Variants in DENND1B observed in about 807,000 individuals in gnomAD.
The protein encoded by DENND1B is DENN domain containing 1B, also known as DENN domain-containing protein 1B.
DENND1B carries 59 observed loss-of-function variants against 90.1 expected under a neutral mutation model. The ratio of observed to expected loss-of-function variants is 0.65; its 90% CI spans 0.53 to 0.81. The LOEUF (loss-of-function observed/expected upper bound fraction) is 0.81. Among genes scored for constraint, DENND1B ranks in the 40% least tolerant of loss-of-function variants. The probability of loss-of-function intolerance (pLI) is 0.00; values close to 1 mark genes in which losing one functional copy is unlikely to be tolerated. For missense variants in DENND1B, 862 were observed against 912.6 expected, an observed-to-expected ratio of 0.94 and a Z score of 0.71; for synonymous variants, 337 against 324.6, an observed-to-expected ratio of 1.04 and a Z score of -0.41.
At chr1:197,551,532 A>T (rs1446184134) in intron 16 of DENND1B, among the ~76,000 whole-genome samples, 2 of 152,078 alleles carry the variant, frequency 1.3e-5, no homozygotes, top group Non-Finnish European at 2.9e-5. Flanking sequence ...TTTCGTGAAA[A>T]ATTTTAGTGG....
chr1:197,590,332 G>T (rs1330226602), intron 14 of DENND1B, among the ~76,000 whole-genome samples: 2 of 152,110 alleles, frequency 1.3e-5, no homozygotes, highest in African/African-American at 4.8e-5. Flanking sequence ...GATGAATCCA[G>T]GCAGTATGGT....
intron 3 of DENND1B, among the ~76,000 whole-genome samples, chr1:197,681,695 T>C (rs1192827097): frequency 1.3e-5 from 2 of 152,174 alleles, no homozygotes; most frequent in South Asian, 2.1e-4. Context: ...GTTTCTATTT[T>C]ACTTTTGAAG....
intron 15 of DENND1B, among the ~76,000 whole-genome samples, chr1:197,566,034 G>T (rs561898221): frequency 2.0e-3 from 305 of 151,892 alleles, no homozygotes; most frequent in East Asian, 8.8e-3. Context: ...CAAATGGTAT[G>T]TCTAGTTCTA....
intron 15 of DENND1B, among the ~76,000 whole-genome samples, chr1:197,571,617 T>C (rs1236847533): frequency 6.6e-6 from 1 of 152,248 alleles, no homozygotes; most frequent in African/African-American, 2.4e-5. Flanking sequence ...CTGATATTTT[T>C]CTTATTTGCT....
chr1:197,577,282 C>T (rs963524429), intron 15 of DENND1B, among the ~76,000 whole-genome samples: 2 of 152,046 alleles, frequency 1.3e-5, no homozygotes. Context: ...TAGCCACTTG[C>T]CATAGCTACA....
intron 2 of DENND1B, chr1:197,735,174 A>T (rs765791176): frequency 1.4e-5 from 14 of 995,614 alleles, no homozygotes; most frequent in Non-Finnish European, 1.6e-5. Flanking sequence ...TACAAAAAAC[A>T]ATATTGAATG....
At chr1:197,542,574 GT>G (rs1405206139) in intron 18 of DENND1B, among the ~76,000 whole-genome samples, 1 of 152,072 alleles carries the variant, frequency 6.6e-6, no homozygotes, top group Non-Finnish European at 1.5e-5. Flanking sequence ...TGAGATAGAG[GT>G]AAAAACATGA....
chr1:197,779,287 G>T (rs530750381), upstream of DENND1B, among the ~76,000 whole-genome samples: 8 of 152,280 alleles, frequency 5.3e-5, no homozygotes, highest in Admixed American at 1.3e-4. Context: ...TTGGAACTTT[G>T]AAAGTAATCT....
chr1:197,611,506 T>C (rs1379396963), intron 12 of DENND1B, among the ~76,000 whole-genome samples: 1 of 150,822 alleles, frequency 6.6e-6, no homozygotes, highest in Non-Finnish European at 1.5e-5. Context: ...ATTTAAAATG[T>C]ACACACTGAT....
At position 197,633,475 on chromosome 1, in the gene DENND1B, G is replaced by C. The variant is rs916401633; in HGVS notation, c.672+9236C>G. 5.3e-5 allele frequency among the ~76,000 whole-genome samples: 8 copies of C among 152,178 alleles called. 1 individual carries two copies. The highest frequency in any genetic ancestry group is 1.9e-4 in the African/African-American group (8 of 41,446). The stretch of plus-strand genomic sequence containing the variant: ...GTACTAAAGGGACAATGCAAAAAGA[G>C]AGAACTTGCTCCTGGTTCCAGTGAG... On this transcript the variant is annotated intron_variant, in intron 10 of 22. Transcript: ENST00000620048.
intron 2 of DENND1B, 125 bp downstream of exon 2, chr1:197,772,743 T>C (rs938372455): frequency 1.3e-6 from 1 of 763,088 alleles, no homozygotes; most frequent in Non-Finnish European, 2.1e-6. Context: ...GAGGATCACC[T>C]GAACCCGGGA....
At chr1:197,548,644 C>T (rs1670991175) in intron 16 of DENND1B, among the ~76,000 whole-genome samples, 1 of 152,040 alleles carries the variant, frequency 6.6e-6, no homozygotes, top group African/African-American at 2.4e-5. Context: ...GGAATTTAAT[C>T]CCCGGTTCAT....
chr1:197,745,346 TG>T (rs1663612392), intron 2 of DENND1B, among the ~76,000 whole-genome samples: 1 of 152,160 alleles, frequency 6.6e-6, no homozygotes, highest in Admixed American at 6.5e-5. Flanking sequence ...GTGAAATACA[TG>T]TGAGTCTTCC....
At chr1:197,733,518 G>A (rs920223929) in intron 2 of DENND1B, among the ~76,000 whole-genome samples, 2 of 152,102 alleles carry the variant, frequency 1.3e-5, no homozygotes, top group African/African-American at 4.8e-5. Flanking sequence ...TTTTCACAGT[G>A]TGCAGCAGTC....
At chr1:197,647,473 T>C (rs1680827306) in intron 7 of DENND1B, among the ~76,000 whole-genome samples, 2 of 152,170 alleles carry the variant, frequency 1.3e-5, no homozygotes, top group Non-Finnish European at 2.9e-5. Context: ...TCCATTTTAA[T>C]CTTACATCAT....
chr1:197,530,472 T>C (rs1374549153), intron 20 of DENND1B, among the ~76,000 whole-genome samples: 1 of 152,186 alleles, frequency 6.6e-6, no homozygotes, highest in Admixed American at 6.5e-5. Flanking sequence ...TAAAATGACA[T>C]ACTCAAGGTC....
intron 15 of DENND1B, among the ~76,000 whole-genome samples, chr1:197,566,312 C>G (rs1412950399): frequency 6.6e-6 from 1 of 151,954 alleles, no homozygotes; most frequent in Non-Finnish European, 1.5e-5. Context: ...CTGTTCATGT[C>G]CTTTGCCCAC....
intron 20 of DENND1B, among the ~76,000 whole-genome samples, chr1:197,521,330 G>A (rs1316217881): frequency 2.6e-5 from 4 of 152,034 alleles, no homozygotes; most frequent in African/African-American, 7.2e-5. Context: ...TTACCATTTT[G>A]ATCACCAGGT....
At chr1:197,580,000 A>T (rs1227741881) in intron 15 of DENND1B, among the ~76,000 whole-genome samples, 1 of 151,470 alleles carries the variant, frequency 6.6e-6, no homozygotes, top group Non-Finnish European at 1.5e-5. Context: ...AGTCTTTGCA[A>T]GTCAGTTTCA....
Sources: allele counts gnomAD v4.1 joint callset (sites outside exome capture counted in the v4.1 genomes callset), GRCh38; gene constraint gnomAD v4.1.1; transcripts MANE v1.5; gene names NCBI Gene and HGNC (gene_info 2026-07-23, HGNC 2026-07-21).